The following CELF2 variants were observed in gnomAD, a reference collection of about 807,000 sequenced individuals.
CELF2 encodes the protein CUGBP Elav-like family member 2.
A neutral mutation model predicts 62.6 loss-of-function variants in CELF2; 8 were observed. That is an observed-to-expected ratio of 0.13 (90% CI 0.07 to 0.23). The LOEUF (loss-of-function observed/expected upper bound fraction) is 0.23. Among genes scored for constraint, CELF2 ranks in the 10% least tolerant of loss-of-function variants. The pLI, the probability that CELF2 is intolerant of heterozygous loss-of-function variation, is 1.00. For synonymous variants in CELF2, 258 were observed against 250.0 expected, an observed-to-expected ratio of 1.03 and a Z score of -0.30; for missense variants, 333 against 671.0, an observed-to-expected ratio of 0.50 and a Z score of 5.56.
intron 2 of CELF2, among the ~76,000 whole-genome samples, chr10:10,975,314 CATT>C: frequency 6.6e-6 from 1 of 152,244 alleles, no homozygotes; most frequent in South Asian, 2.1e-4. Flanking sequence ...CACGGGGTCT[CATT>C]GTGTTGCAAA....
intron 7 of CELF2, among the ~76,000 whole-genome samples, chr10:11,273,050 C>T (rs1276487650): frequency 6.6e-6 from 1 of 152,170 alleles, no homozygotes; most frequent in African/African-American, 2.4e-5. Flanking sequence ...CTCTTCCCCG[C>T]TCTCTTCCTC....
At chr10:10,829,131 T>C (rs1226317276) in intron 1 of CELF2, among the ~76,000 whole-genome samples, 1 of 152,256 alleles carries the variant, frequency 6.6e-6, no homozygotes, top group Non-Finnish European at 1.5e-5. Flanking sequence ...ATCAATCTTA[T>C]CTTCTCACCA....
the CELF2 span, among the ~76,000 whole-genome samples, chr10:10,670,887 T>C: frequency 6.6e-6 from 1 of 151,638 alleles, no homozygotes; most frequent in Non-Finnish European, 1.5e-5. Context: ...TATATACTTA[T>C]ACCAAGTGCA....
At chr10:11,141,787 T>A (rs1357214097) in intron 1 of CELF2, among the ~76,000 whole-genome samples, 1 of 152,232 alleles carries the variant, frequency 6.6e-6, no homozygotes, top group Admixed American at 6.5e-5. Flanking sequence ...ACATTTAGTC[T>A]AGTTGGGAGG....
the CELF2 span, among the ~76,000 whole-genome samples, chr10:10,560,267 G>C: frequency 6.6e-6 from 1 of 152,118 alleles, no homozygotes; most frequent in African/African-American, 2.4e-5. Context: ...GGTAAGCATA[G>C]ATCAAATGCA....
At chr10:10,900,999 C>A (rs562915004) in intron 1 of CELF2, among the ~76,000 whole-genome samples, 1 of 152,284 alleles carries the variant, frequency 6.6e-6, no homozygotes, top group East Asian at 1.9e-4. Flanking sequence ...AATCTGTACA[C>A]TGAAAACACA....
rs2046391647 is a variant in CELF2, at chr10:10,936,373, T to TG, written c.89+16375dup. Among the ~76,000 whole-genome samples the TG allele has an allele frequency of 6.6e-6, 1 of 152,190 alleles. No individual in the cohort carries two copies. Among genetic ancestry groups the TG allele is most frequent in the African/African-American group, 2.4e-5 (1 of 41,454 alleles). On this transcript the variant is annotated intron_variant, in intron 2 of 13. Transcript: ENST00000636488. The surrounding 1 kb of genome is among the most constrained non-coding windows in gnomAD (Gnocchi z 4.0). ...TTCTCCCTGCAGTATACACTCAGCC[T>TG]GTTAGTTTTTGTATCTAGAATCCTA...
chr10:11,165,699 G>T lies in CELF2; in HGVS notation c.271+17G>T. On this transcript the variant is annotated intron_variant, in intron 2 of 12. Transcript: ENST00000633077. The surrounding 1 kb of genome is among the most constrained non-coding windows in gnomAD (Gnocchi z 7.4). ...AGAGTAAAGGTACAGAGCGCGGGGC[G>T]GGGGTCGCCAGGCGTCCAGGTGGGC... The T allele has an allele frequency of 1.9e-6, 3 of 1,599,936 alleles. No homozygotes were observed. The highest frequency in any genetic ancestry group is 1.1e-5 in the South Asian group (1 of 90,124).
chr10:10,929,060 T>C (rs1002314119), intron 2 of CELF2, among the ~76,000 whole-genome samples: 1 of 152,188 alleles, frequency 6.6e-6, no homozygotes, highest in Non-Finnish European at 1.5e-5. Flanking sequence ...GTAGACAAGA[T>C]GTATGATTTC....
chr10:10,819,135 A>T (rs7903084), intron 1 of CELF2, among the ~76,000 whole-genome samples: 20,326 of 152,198 alleles, frequency 0.13, 1,513 homozygotes, highest in Non-Finnish European at 0.18. Context: ...CTAACATGGG[A>T]ATGATAGCTG....
the CELF2 span, among the ~76,000 whole-genome samples, chr10:10,669,899 C>CTTT: frequency 1.2e-5 from 1 of 84,212 alleles, no homozygotes; most frequent in African/African-American, 4.5e-5. Context: ...TCTTATATGC[C>CTTT]TTTTTTTTTT....
rs941462766 is a variant in CELF2, at chr10:11,280,993, T to C, written c.841+5873T>C. Reference sequence around the variant, plus strand: ...GTGCGTGTGCATGCCTGTGTGCGTGTGTGTGTGTGTGTGTGTGTGTGTGTG... The same window carrying C: ...GTGCGTGTGCATGCCTGTGTGCGTGCGTGTGTGTGTGTGTGTGTGTGTGTG... On this transcript the variant is annotated intron_variant, in intron 8 of 12. Coordinates refer to ENST00000633077, the MANE Select transcript of CELF2 (RefSeq NM_001326342.2). The surrounding 1 kb of genome is among the most constrained non-coding windows in gnomAD (Gnocchi z 7.6). 6.8e-6 allele frequency among the ~76,000 whole-genome samples: 1 copy of C among 146,772 alleles called. No homozygotes were observed. The highest frequency in any genetic ancestry group is 2.6e-5 in the African/African-American group (1 of 38,448).
chr10:11,250,202 T>A (rs1161658907), intron 4 of CELF2, among the ~76,000 whole-genome samples: 1 of 152,238 alleles, frequency 6.6e-6, no homozygotes, highest in Non-Finnish European at 1.5e-5. Context: ...ACCCGACTTG[T>A]CAGAGCTTTC....
intron 1 of CELF2, among the ~76,000 whole-genome samples, chr10:11,037,178 G>A (rs1198339036): frequency 2.0e-5 from 3 of 152,236 alleles, no homozygotes; most frequent in Non-Finnish European, 4.4e-5. Context: ...GGAAGAAGAC[G>A]AAGGAAGAGC....
intron 2 of CELF2, among the ~76,000 whole-genome samples, chr10:10,932,074 G>T (rs1399117845): frequency 6.6e-6 from 1 of 152,136 alleles, no homozygotes. Context: ...AATGAGATCT[G>T]GGTGGGGACA....
rs1178791395 is a variant in CELF2 at position 10,880,313 on chromosome 10, C to T, written c.54-39651C>T. Among the ~76,000 whole-genome samples, 4 of 152,024 alleles carry T rather than the reference C, an allele frequency of 2.6e-5. No homozygotes were observed. The East Asian group carries it at 5.8e-4, about 22-fold the overall frequency. On this transcript the variant is annotated intron_variant, in intron 1 of 13. Coordinates refer to the CELF2 transcript ENST00000636488. ...CCATGCCTGCTGTTAAGGGGGCCCACGTTATAGTTTCTGCTGTCCTTGAAC... is the reference window on the plus strand; with the variant it reads ...CCATGCCTGCTGTTAAGGGGGCCCATGTTATAGTTTCTGCTGTCCTTGAAC...
chr10:10,870,628 T>C (rs1688555187), intron 1 of CELF2, among the ~76,000 whole-genome samples: 1 of 152,180 alleles, frequency 6.6e-6, no homozygotes, highest in African/African-American at 2.4e-5. Flanking sequence ...GGACCAAAAA[T>C]GGGAAGCAGA....
chr10:10,815,971 C>G (rs2056428200), intron 1 of CELF2, among the ~76,000 whole-genome samples: 1 of 145,586 alleles, frequency 6.9e-6, no homozygotes, highest in African/African-American at 2.5e-5. Flanking sequence ...TATTTTTTGG[C>G]AGACGATGTT....
intron 2 of CELF2, among the ~76,000 whole-genome samples, chr10:10,921,856 C>T (rs931840352): frequency 6.6e-6 from 1 of 152,296 alleles, no homozygotes; most frequent in Non-Finnish European, 1.5e-5. Flanking sequence ...GCGCCTGGCT[C>T]GTGCCTTAGT....
Sources: allele counts gnomAD v4.1 joint callset (sites outside exome capture counted in the v4.1 genomes callset), GRCh38; gene constraint gnomAD v4.1.1; non-coding constraint Gnocchi (gnomAD v3.1); transcripts MANE v1.5; gene names NCBI Gene and HGNC (gene_info 2026-07-23, HGNC 2026-07-21).